The following TMEFF2 variants were observed in gnomAD, a reference collection of about 807,000 sequenced individuals.
TMEFF2 encodes tomoregulin-2.
In TMEFF2, 28 loss-of-function variants were observed where a neutral mutation model predicts 53.8. The ratio of observed to expected loss-of-function variants is 0.52; its 90% CI spans 0.39 to 0.71. The LOEUF is 0.71. Among genes scored for constraint, TMEFF2 ranks in the 30% least tolerant of loss-of-function variants. The pLI is 0.00. For synonymous variants in TMEFF2, 162 were observed against 166.3 expected (o/e 0.97, Z 0.20); for missense variants, 353 against 455.2 (o/e 0.78, Z 2.04).
In TMEFF2 at chr2:192,188,597, G is replaced by A. The variant is rs182771288; in HGVS notation, c.282+3283C>T. Among the ~76,000 whole-genome samples the A allele has an allele frequency of 1.3e-3, 200 of 152,218 alleles. 1 individual carries two copies. The highest frequency in any genetic ancestry group is 4.0e-3 in the African/African-American group (167 of 41,514). ...CACTAAGTACTGGGCAGTCTGTTAC[G>A]CAGCTTTACTAATAAGAACATTTGT... On this transcript the variant is annotated intron_variant, in intron 2 of 9. Coordinates refer to ENST00000272771, the MANE Select transcript of TMEFF2 (RefSeq NM_016192.4).
intron 4 of TMEFF2, among the ~76,000 whole-genome samples, chr2:192,108,098 T>C (rs1200942587): frequency 6.6e-6 from 1 of 151,828 alleles, no homozygotes; most frequent in African/African-American, 2.4e-5. Context: ...TCAATTATCT[T>C]ACCTAGTTCA....
chr2:192,014,265 C>T (rs1455058357), intron 5 of TMEFF2, among the ~76,000 whole-genome samples: 2 of 152,124 alleles, frequency 1.3e-5, no homozygotes, highest in African/African-American at 4.8e-5. Flanking sequence ...CTTCAGTAAT[C>T]AATGTGAACG....
chr2:192,021,760 A>G (rs1251046723), intron 5 of TMEFF2, among the ~76,000 whole-genome samples: 2 of 152,200 alleles, frequency 1.3e-5, no homozygotes, highest in Admixed American at 1.3e-4. Flanking sequence ...GCAGGGGCAG[A>G]TGGAGGTGTG....
chr2:192,119,297 A>G (rs1285275639), intron 4 of TMEFF2, among the ~76,000 whole-genome samples: 3 of 152,228 alleles, frequency 2.0e-5, no homozygotes, highest in Admixed American at 6.5e-5. Context: ...AACATTTTGC[A>G]TAATTGAGGT....
At chr2:192,111,803 G>A (rs1422762589) in intron 4 of TMEFF2, among the ~76,000 whole-genome samples, 2 of 152,196 alleles carry the variant, frequency 1.3e-5, no homozygotes, top group Non-Finnish European at 2.9e-5. Flanking sequence ...GCAGGCTAGG[G>A]AGTTGGTGCT....
intron 5 of TMEFF2, among the ~76,000 whole-genome samples, chr2:192,052,590 T>C (rs1236037195): frequency 6.6e-6 from 1 of 152,232 alleles, no homozygotes; most frequent in African/African-American, 2.4e-5. Flanking sequence ...TGGAGCTTTA[T>C]TACTTTGCAA....
chr2:192,055,512 C>A (rs1394241974), intron 5 of TMEFF2, among the ~76,000 whole-genome samples: 2 of 152,066 alleles, frequency 1.3e-5, no homozygotes, highest in Non-Finnish European at 2.9e-5. Context: ...TGGTAGCTCA[C>A]ACCTGTAATT....
chr2:192,150,005 T>C (rs867364825), intron 4 of TMEFF2, among the ~76,000 whole-genome samples: 3 of 152,016 alleles, frequency 2.0e-5, no homozygotes, highest in Non-Finnish European at 4.4e-5. Context: ...TGTAAGGCTC[T>C]GGAAACCAAT....
At chr2:192,151,140 T>A (rs923459233) in intron 4 of TMEFF2, among the ~76,000 whole-genome samples, 1 of 151,844 alleles carries the variant, frequency 6.6e-6, no homozygotes, top group African/African-American at 2.4e-5. Flanking sequence ...TGCTACCATG[T>A]AAGACATGCC....
intron 5 of TMEFF2, among the ~76,000 whole-genome samples, chr2:192,042,349 G>T (rs1040449500): frequency 6.6e-6 from 1 of 152,150 alleles, no homozygotes; most frequent in Non-Finnish European, 1.5e-5. Context: ...GCTTCACGTG[G>T]TGTTGTCACA....
chr2:192,163,540 G>T (rs1277026015), intron 4 of TMEFF2, among the ~76,000 whole-genome samples: 2 of 152,104 alleles, frequency 1.3e-5, no homozygotes, highest in Admixed American at 6.6e-5. Flanking sequence ...ACCAGTGATG[G>T]TACTTAAATT....
Position 192,194,288 on chromosome 2 carries a change from T to C in TMEFF2, c.172+65A>G. 1 of 1,583,462 alleles carries C rather than the reference T, an allele frequency of 6.3e-7. No homozygotes were observed. Among genetic ancestry groups the C allele is most frequent in the Admixed American group, 1.7e-5 (1 of 58,932 alleles). On this transcript the variant is annotated intron_variant, in intron 1 of 9. Coordinates refer to ENST00000272771, the MANE Select transcript of TMEFF2 (RefSeq NM_016192.4). This position sits in a 1 kb window ranked among gnomAD's most constrained non-coding sequence, Gnocchi z 4.2. ...GAGGAGGCGCGCTAGGGTAGGCTGG[T>C]CTGTGCTGGATACGCGTGTTCTTCT... is the stretch of plus-strand genomic sequence containing the variant.
intron 5 of TMEFF2, among the ~76,000 whole-genome samples, chr2:192,046,529 T>C (rs1687626691): frequency 6.6e-6 from 1 of 152,146 alleles, no homozygotes. Flanking sequence ...AATTCATTGG[T>C]CCAGAAATCA....
chr2:192,102,419 C>T (rs1404839052), intron 4 of TMEFF2, among the ~76,000 whole-genome samples: 2 of 152,042 alleles, frequency 1.3e-5, no homozygotes, highest in Non-Finnish European at 2.9e-5. Flanking sequence ...TGTGCCTCAA[C>T]TCCAAGCCTA....
At chr2:192,042,471 A>G (rs1301199183) in intron 5 of TMEFF2, among the ~76,000 whole-genome samples, 1 of 152,210 alleles carries the variant, frequency 6.6e-6, no homozygotes, top group Non-Finnish European at 1.5e-5. Context: ...TAAAAGTGTG[A>G]TAGGAAGTGA....
chr2:192,058,907 G>T (rs1013011061), intron 4 of TMEFF2, among the ~76,000 whole-genome samples: 2 of 152,042 alleles, frequency 1.3e-5, no homozygotes, highest in African/African-American at 4.8e-5. Context: ...TTATTAACAT[G>T]CACCTTGAAC....
At chr2:192,051,502 T>C (rs1687770471) in intron 5 of TMEFF2, among the ~76,000 whole-genome samples, 1 of 152,208 alleles carries the variant, frequency 6.6e-6, no homozygotes, top group Non-Finnish European at 1.5e-5. Context: ...TTTTGTTCAA[T>C]TGTCAACCAG....
chr2:192,101,749 T>C (rs550736878), intron 4 of TMEFF2, among the ~76,000 whole-genome samples: 2 of 152,242 alleles, frequency 1.3e-5, no homozygotes, highest in African/African-American at 4.8e-5. Flanking sequence ...AGACTGAAAA[T>C]GCAGACTGTC....
chr2:192,169,976 C>G (rs2356954), intron 4 of TMEFF2, among the ~76,000 whole-genome samples: 99,833 of 151,392 alleles, frequency 0.66, 33,042 homozygotes, highest in African/African-American at 0.71. Flanking sequence ...TTAAGATGCA[C>G]TATTTAACTG....
Sources: allele counts gnomAD v4.1 joint callset (sites outside exome capture counted in the v4.1 genomes callset), GRCh38; gene constraint gnomAD v4.1.1; non-coding constraint Gnocchi (gnomAD v3.1); transcripts MANE v1.5; gene names NCBI Gene and HGNC (gene_info 2026-07-23, HGNC 2026-07-21).